ZNG1B: variants seen among roughly 807,000 people sequenced by gnomAD.
ZNG1B encodes the protein zinc-regulated GTPase metalloprotein activator 1B.
the ZNG1B span, among the ~76,000 whole-genome samples, chr2:113,484,566 G>A: frequency 4.6e-5 from 7 of 152,216 alleles, no homozygotes; most frequent in African/African-American, 1.7e-4. Flanking sequence ...GTTTGTTTTG[G>A]TTTTGGTTTA....
chr2:113,468,220 C>A, the ZNG1B span, among the ~76,000 whole-genome samples: 3 of 151,010 alleles, frequency 2.0e-5, no homozygotes, highest in African/African-American at 7.3e-5. Flanking sequence ...ATTTACTGAG[C>A]TATCTACTGT....
the ZNG1B span, chr2:113,460,714 T>C: frequency 1.3e-6 from 2 of 1,594,502 alleles, no homozygotes; most frequent in Admixed American, 3.3e-5. Flanking sequence ...TCAATGAAGC[T>C]ACTAGGTATT....
the ZNG1B span, among the ~76,000 whole-genome samples, chr2:113,453,950 C>G: frequency 1.3e-5 from 2 of 152,136 alleles, no homozygotes; most frequent in Non-Finnish European, 2.9e-5. Flanking sequence ...AGTGATATGC[C>G]TTCATTTAAA....
the ZNG1B span, among the ~76,000 whole-genome samples, chr2:113,463,415 A>C: frequency 1.3e-5 from 2 of 152,190 alleles, no homozygotes; most frequent in African/African-American, 2.4e-5. Context: ...CAGTTCATAT[A>C]GTATATATTA....
the ZNG1B span, among the ~76,000 whole-genome samples, chr2:113,452,025 T>A: frequency 6.6e-6 from 1 of 152,126 alleles, no homozygotes; most frequent in Non-Finnish European, 1.5e-5. Context: ...AAATTCTTAT[T>A]GGCAATTCAG....
the ZNG1B span, among the ~76,000 whole-genome samples, chr2:113,444,734 A>G: frequency 1.3e-5 from 2 of 152,018 alleles, no homozygotes; most frequent in Admixed American, 1.3e-4. Flanking sequence ...ATTTTAATAA[A>G]GTATTATTAT....
chr2:113,473,995 G>A, the ZNG1B span, among the ~76,000 whole-genome samples: 1 of 150,840 alleles, frequency 6.6e-6, no homozygotes, highest in East Asian at 2.0e-4. Context: ...GATGATGCTG[G>A]CCTCATAAAA....
At chr2:113,463,471 A>G in the ZNG1B span, among the ~76,000 whole-genome samples, 208 of 152,316 alleles carry the variant, frequency 1.4e-3, no homozygotes, top group Non-Finnish European at 2.5e-3. Flanking sequence ...ATTATTTGCC[A>G]TGATTAATGA....
At chr2:113,475,587 A>C in the ZNG1B span, among the ~76,000 whole-genome samples, 1 of 151,718 alleles carries the variant, frequency 6.6e-6, no homozygotes, top group East Asian at 1.9e-4. Flanking sequence ...CCTAGCTTGG[A>C]TGGTCTTTAC....
the ZNG1B span, among the ~76,000 whole-genome samples, chr2:113,443,133 T>A: frequency 6.6e-6 from 1 of 152,032 alleles, no homozygotes; most frequent in Non-Finnish European, 1.5e-5. Context: ...CACACCTGGC[T>A]AATTTTTTGT....
chr2:113,489,739 T>G, the ZNG1B span, among the ~76,000 whole-genome samples: 1 of 150,804 alleles, frequency 6.6e-6, no homozygotes, highest in Non-Finnish European at 1.5e-5. Flanking sequence ...AAACAAACTT[T>G]AAAGAACCAG....
chr2:113,472,972 CTT>C, the ZNG1B span, among the ~76,000 whole-genome samples: 1 of 150,292 alleles, frequency 6.7e-6, no homozygotes, highest in Non-Finnish European at 1.5e-5. Context: ...GATGCGGGCT[CTT>C]TTTTGGTTCC....
chr2:113,491,926 A>AC, the ZNG1B span, among the ~76,000 whole-genome samples: 1 of 120,406 alleles, frequency 8.3e-6, no homozygotes, highest in African/African-American at 3.0e-5. Context: ...GCAAATCAAA[A>AC]CCACAGTGCG....
the ZNG1B span, chr2:113,454,824 A>C: frequency 1.9e-6 from 3 of 1,540,392 alleles, no homozygotes; most frequent in Non-Finnish European, 2.7e-6. Flanking sequence ...GAGAGCTGGG[A>C]ATATGGGGAT....
chr2:113,493,097 T>C, the ZNG1B span, among the ~76,000 whole-genome samples: 1 of 132,614 alleles, frequency 7.5e-6, no homozygotes, highest in Non-Finnish European at 1.6e-5. Context: ...TAATATTCAA[T>C]ACATGATGAT....
chr2:113,469,466 AG>A, the ZNG1B span: 1 of 143,318 alleles, frequency 7.0e-6, no homozygotes, highest in African/African-American at 2.6e-5. Flanking sequence ...TAATGGGGGG[AG>A]GGGTGGGGGG....
chr2:113,439,836 T>C, the ZNG1B span, among the ~76,000 whole-genome samples: 191 of 151,882 alleles, frequency 1.3e-3, no homozygotes, highest in Admixed American at 2.1e-3. Flanking sequence ...AATTGCCTCC[T>C]TATTCACTGA....
At chr2:113,442,552 CTG>C in the ZNG1B span, among the ~76,000 whole-genome samples, 30 of 151,992 alleles carry the variant, frequency 2.0e-4, no homozygotes, top group South Asian at 8.3e-4. Flanking sequence ...TAATAACAGA[CTG>C]TTTTTTTATC....
the ZNG1B span, among the ~76,000 whole-genome samples, chr2:113,462,090 G>A: frequency 6.6e-6 from 1 of 151,966 alleles, no homozygotes; most frequent in Non-Finnish European, 1.5e-5. Flanking sequence ...TCATCCTTTT[G>A]ATTGTAAACT....
Sources: gnomAD v4.1 joint callset for allele counts (sites outside exome capture counted in the v4.1 genomes callset) on GRCh38, gnomAD v4.1.1 for gene constraint, MANE v1.5 for transcripts, NCBI Gene and HGNC (gene_info 2026-07-23, HGNC 2026-07-21) for gene names.